BTBD9: variants seen among roughly 807,000 people sequenced by gnomAD.
BTBD9 encodes BTB/POZ domain-containing protein 9.
Under a neutral mutation model 64.3 loss-of-function variants are expected in BTBD9, and 49 were observed. The ratio of observed to expected loss-of-function variants is 0.76; its 90% confidence interval spans 0.61 to 0.97. The LOEUF (loss-of-function observed/expected upper bound fraction) is 0.97, where lower values mean the gene tolerates loss of function less well. Among genes scored for constraint, BTBD9 ranks in the 50% least tolerant of loss-of-function variants. The probability of loss-of-function intolerance (pLI) is 0.00; values close to 1 mark genes in which losing one functional copy is unlikely to be tolerated. For missense variants in BTBD9, 598 were observed against 762.1 expected, an observed-to-expected ratio of 0.78 and a Z score of 2.53; for synonymous variants, 260 against 274.7, an observed-to-expected ratio of 0.95 and a Z score of 0.53.
intron 6 of BTBD9, among the ~76,000 whole-genome samples, chr6:38,534,142 A>G (rs553683418): frequency 3.3e-5 from 5 of 152,022 alleles, no homozygotes; most frequent in Admixed American, 1.3e-4. Flanking sequence ...CCTAACTAAG[A>G]AAAAAAGAGA....
chr6:38,485,903 C>T (rs1011323664), intron 6 of BTBD9, among the ~76,000 whole-genome samples: 4 of 152,194 alleles, frequency 2.6e-5, no homozygotes, highest in Admixed American at 2.6e-4. Context: ...CAATAGGAGG[C>T]TATTTCATCT....
chr6:38,231,994 C>T (rs1763624133), intron 9 of BTBD9, among the ~76,000 whole-genome samples: 1 of 152,178 alleles, frequency 6.6e-6, no homozygotes, highest in South Asian at 2.1e-4. Flanking sequence ...AATCTGTTTA[C>T]CACACCTCTC....
chr6:38,414,672 T>C (rs1767586153), intron 6 of BTBD9, among the ~76,000 whole-genome samples: 1 of 152,198 alleles, frequency 6.6e-6, no homozygotes, highest in African/African-American at 2.4e-5. Flanking sequence ...CTGACTGCTA[T>C]GCACTCTTAA....
At chr6:38,591,092 C>T (rs977951303) in intron 4 of BTBD9, among the ~76,000 whole-genome samples, 5 of 152,104 alleles carry the variant, frequency 3.3e-5, no homozygotes, top group African/African-American at 1.2e-4. Context: ...CTTTCAAAAC[C>T]ACCACTGCAT....
intron 6 of BTBD9, among the ~76,000 whole-genome samples, chr6:38,397,936 A>C (rs1766753023): frequency 6.6e-6 from 1 of 152,218 alleles, no homozygotes; most frequent in South Asian, 2.1e-4. Flanking sequence ...GGTTTACCGA[A>C]GGAGCAGGAG....
At chr6:38,503,506 T>A (rs1266862591) in intron 6 of BTBD9, among the ~76,000 whole-genome samples, 3 of 152,134 alleles carry the variant, frequency 2.0e-5, no homozygotes, top group Non-Finnish European at 4.4e-5. Context: ...TTTTTTCTCT[T>A]AATGCCCCAT....
chr6:38,243,838 G>A (rs772177970), intron 9 of BTBD9, among the ~76,000 whole-genome samples: 4 of 152,192 alleles, frequency 2.6e-5, no homozygotes, highest in Non-Finnish European at 5.9e-5. Flanking sequence ...TGGTGATTCT[G>A]TGTGCATGCT....
chr6:38,214,134 T>C (rs1167402922), intron 9 of BTBD9, among the ~76,000 whole-genome samples: 1 of 152,186 alleles, frequency 6.6e-6, no homozygotes, highest in African/African-American at 2.4e-5. Flanking sequence ...GGCCTAGATT[T>C]CTCTCAGGCT....
At chr6:38,214,401 C>T (rs1762939128) in intron 9 of BTBD9, among the ~76,000 whole-genome samples, 1 of 152,190 alleles carries the variant, frequency 6.6e-6, no homozygotes, top group Non-Finnish European at 1.5e-5. Flanking sequence ...AGAAGGTGGA[C>T]AATGAGACAG....
At chr6:38,560,934 T>C (rs77293631) in intron 6 of BTBD9, among the ~76,000 whole-genome samples, 38 of 152,352 alleles carry the variant, frequency 2.5e-4, no homozygotes, top group African/African-American at 8.7e-4. Context: ...TATGGCTGCA[T>C]AGTATTCCAT....
At chr6:38,573,016 T>A (rs962147983) in intron 6 of BTBD9, among the ~76,000 whole-genome samples, 1 of 152,072 alleles carries the variant, frequency 6.6e-6, no homozygotes, top group African/African-American at 2.4e-5. Context: ...TATATATGTA[T>A]TGATACAAAG....
At chr6:38,587,898 A>G in intron 4 of BTBD9, 1 of 724,476 alleles carries the variant, frequency 1.4e-6, no homozygotes, top group Non-Finnish European at 2.6e-6. Context: ...GGCTTAACAG[A>G]TGATCAGGTT....
At chr6:38,202,333 G>A (rs747402420) in intron 9 of BTBD9, among the ~76,000 whole-genome samples, 1 of 151,240 alleles carries the variant, frequency 6.6e-6, no homozygotes, top group African/African-American at 2.4e-5. Flanking sequence ...GAACCACCTC[G>A]GCCTCCCAAA....
chr6:38,285,128 G>A (rs1477959019), intron 8 of BTBD9, among the ~76,000 whole-genome samples: 2 of 152,154 alleles, frequency 1.3e-5, no homozygotes, highest in African/African-American at 4.8e-5. Context: ...AGAGAAGGGT[G>A]TGGCCATATC....
At chr6:38,374,288 T>TATATATATAC (rs1280692259) in intron 6 of BTBD9, among the ~76,000 whole-genome samples, 987 of 69,094 alleles carry the variant, frequency 0.014, 84 homozygotes, top group South Asian at 0.032. Context: ...AAAAAGTATA[T>TATATATATAC]ATATATATGT....
chr6:38,474,404 T>C (rs1438573394), intron 6 of BTBD9, among the ~76,000 whole-genome samples: 1 of 152,090 alleles, frequency 6.6e-6, no homozygotes, highest in Non-Finnish European at 1.5e-5. Flanking sequence ...ATGCCTATAA[T>C]CCCAGCTACT....
chr6:38,285,915 G>A (rs1206136728), intron 8 of BTBD9, among the ~76,000 whole-genome samples: 4 of 152,172 alleles, frequency 2.6e-5, no homozygotes, highest in Admixed American at 2.6e-4. Flanking sequence ...GGTTGTAATG[G>A]AAAATATAGA....
At chr6:38,618,219 T>C (rs1253548964) in intron 1 of BTBD9, among the ~76,000 whole-genome samples, 1 of 152,126 alleles carries the variant, frequency 6.6e-6, no homozygotes, top group Non-Finnish European at 1.5e-5. Context: ...CCGCAAAACC[T>C]GAAAAAGCAG....
chr6:38,229,585 C>A (rs926920555), intron 9 of BTBD9, among the ~76,000 whole-genome samples: 2 of 152,168 alleles, frequency 1.3e-5, no homozygotes, highest in Admixed American at 6.5e-5. Context: ...GATATATGAA[C>A]ACCTGGCAGA....
Sources: gnomAD v4.1 joint callset for allele counts (sites outside exome capture counted in the v4.1 genomes callset) on GRCh38, gnomAD v4.1.1 for gene constraint, MANE v1.5 for transcripts, NCBI Gene and HGNC (gene_info 2026-07-23, HGNC 2026-07-21) for gene names.